PSORS1C1: variants seen among roughly 807,000 people sequenced by gnomAD.
The protein encoded by PSORS1C1 is psoriasis susceptibility 1 candidate gene 1 protein.
Under a neutral mutation model 9.4 loss-of-function variants are expected in PSORS1C1, and 7 were observed. That is an observed-to-expected ratio of 0.75 (90% CI 0.42 to 1.40). The LOEUF is 1.40. Among genes scored for constraint, PSORS1C1 ranks in the 40% most tolerant of loss-of-function variants. The probability of loss-of-function intolerance (pLI) is 0.01; values close to 1 mark genes in which losing one functional copy is unlikely to be tolerated. For missense variants in PSORS1C1, 146 were observed against 178.1 expected (o/e 0.82, Z 1.02); for synonymous variants, 63 against 69.4 (o/e 0.91, Z 0.46).
intron 1 of PSORS1C1, chr6:31,116,160 G>A (rs772851382): frequency 1.2e-6 from 2 of 1,611,614 alleles, no homozygotes; most frequent in East Asian, 2.2e-5. Context: ...TGGAGCCACA[G>A]GGCTTGGCAC....
intron 1 of PSORS1C1, among the ~76,000 whole-genome samples, chr6:31,124,934 C>T (rs1336051486): frequency 6.6e-6 from 1 of 151,600 alleles, no homozygotes; most frequent in Non-Finnish European, 1.5e-5. Context: ...TGCCACTGCA[C>T]TCCAGCCTGG....
At chr6:31,138,248 T>C in intron 3 of PSORS1C1, 182 bp from the exon 4 acceptor site, 2 of 1,568,122 alleles carry the variant, frequency 1.3e-6, no homozygotes, top group Non-Finnish European at 1.7e-6. Flanking sequence ...TTGGGGAGCC[T>C]GCCTCCTCTC....
At position 31,139,879 on chromosome 6, in the gene PSORS1C1, T is replaced by C; in HGVS notation, c.406T>C (p.Leu136=). 1 of 1,613,044 alleles carries C rather than the reference T, an allele frequency of 6.2e-7. No individual in the cohort carries two copies. Among genetic ancestry groups the C allele is most frequent in the South Asian group, 1.1e-5 (1 of 91,080 alleles). ...CTCTAGGACCTTGGCTCCAACTCTATTGTACTCGTCTCCTCCCTCCCATTC... is the reference window on the plus strand; with the variant it reads ...CTCTAGGACCTTGGCTCCAACTCTACTGTACTCGTCTCCTCCCTCCCATTC... ...SASRTLAPTL[L]YSSPPSHSPF... Residue 136 remains leucine (L), a synonymous_variant, in exon 6 of 6, where the codon TTG becomes CTG. Coordinates refer to ENST00000259881, the MANE Select transcript of PSORS1C1 (RefSeq NM_014068.3). The surrounding 1 kb of genome is among the most constrained non-coding windows in gnomAD (Gnocchi z 5.2).
intron 1 of PSORS1C1, among the ~76,000 whole-genome samples, chr6:31,123,710 C>T (rs1772560853): frequency 6.6e-6 from 1 of 152,262 alleles, no homozygotes; most frequent in African/African-American, 2.4e-5. Context: ...GTCCCCTCCA[C>T]CCCTCCAGCA....
chr6:31,131,672 C>G (rs187880762), intron 3 of PSORS1C1, among the ~76,000 whole-genome samples: 123 of 151,546 alleles, frequency 8.1e-4, no homozygotes, highest in Admixed American at 1.5e-3. Context: ...TAGCACAGAC[C>G]TAAATTGAAA....
chr6:31,125,804 C>T lies in PSORS1C1; in HGVS notation c.-100C>T, dbSNP rs9263697. ...GAAATGCAACAGAAACCATCACCCC[C>T]GGACCGTGGGCTCCATGCCAGTGGG... On this transcript the variant is annotated 5_prime_UTR_variant, in exon 2 of 6. Coordinates refer to ENST00000259881, the MANE Select transcript of PSORS1C1 (RefSeq NM_014068.3). 8,096 of 152,392 alleles carry T rather than the reference C, an allele frequency of 0.053. 305 individuals carry two copies. Among genetic ancestry groups the T allele is most frequent in the South Asian group, 0.12 (559 of 4,832 alleles). The allele number at this position is 152,392 out of a possible 1,614,324, so 9.4% of individuals were successfully genotyped here.
chr6:31,118,840 C>CT (rs199861968), intron 1 of PSORS1C1: 7 of 124,924 alleles, frequency 5.6e-5, no homozygotes, highest in African/African-American at 2.1e-4. Context: ...TTTTCTTCTT[C>CT]TTCTTTTTTT....
chr6:31,115,734 A>C lies in PSORS1C1; in HGVS notation c.-229+843A>C. 2.0e-6 allele frequency: 1 copy of C among 494,384 alleles called. No individual in the cohort carries two copies. The highest frequency in any genetic ancestry group is 3.7e-5 in the South Asian group (1 of 26,844). 30.6% of individuals were successfully genotyped at this position (494,384 alleles called of 1,614,324 possible). A position where few individuals can be genotyped will look rare whatever the true frequency, so the allele number is the denominator to read the frequency against. On this transcript the variant is annotated intron_variant, in intron 1 of 5. Transcript: ENST00000259881. This position sits in a 1 kb window ranked among gnomAD's most constrained non-coding sequence, Gnocchi z 4.2. ...TGGACCATTTCCACACAGTAGAGGG[A>C]ATTGTAAGGGGTGGTGATCTGGCTG...
At chr6:31,116,154 G>A in intron 1 of PSORS1C1, 1 of 1,611,350 alleles carries the variant, frequency 6.2e-7, no homozygotes, top group African/African-American at 1.3e-5. Flanking sequence ...CACTGCTGGA[G>A]CCACAGGGCT....
chr6:31,138,200 C>T, intron 3 of PSORS1C1: 1 of 1,573,598 alleles, frequency 6.4e-7, no homozygotes, highest in East Asian at 2.2e-5. Context: ...GTGCCCCTGG[C>T]CAAGGGTCAC....
chr6:31,122,797 T>G (rs1404619475), intron 1 of PSORS1C1, among the ~76,000 whole-genome samples: 1 of 152,136 alleles, frequency 6.6e-6, no homozygotes, highest in African/African-American at 2.4e-5. Flanking sequence ...AAAGTGATGC[T>G]GCTCTTTCCG....
At chr6:31,116,461 G>A (rs1257325672) in intron 1 of PSORS1C1, 10 of 1,595,452 alleles carry the variant, frequency 6.3e-6, no homozygotes, top group African/African-American at 1.3e-5. Context: ...CTTGGAGCCC[G>A]TGGAGCCGCC....
rs1289441516 is a variant in PSORS1C1, at chr6:31,115,179, G to A, written c.-229+288G>A. On this transcript the variant is annotated intron_variant, in intron 1 of 5. Coordinates refer to ENST00000259881, the MANE Select transcript of PSORS1C1 (RefSeq NM_014068.3). The surrounding 1 kb of genome is among the most constrained non-coding windows in gnomAD (Gnocchi z 4.2). ...ACACAGCCCGCTTTTGAAGGAAAAT[G>A]AGGAACACAGAGACCTCTAGAGGCG... 3 of 337,954 alleles carry A rather than the reference G, an allele frequency of 8.9e-6. No individual in the cohort carries two copies. The highest frequency in any genetic ancestry group is 1.7e-5 in the Non-Finnish European group (3 of 173,756). The allele number at this position is 337,954 out of a possible 1,614,324, so 20.9% of individuals were successfully genotyped here.
In PSORS1C1 at chr6:31,139,783, G is replaced by A. The variant is rs775662020; in HGVS notation, c.310G>A (p.Ala104Thr). The change falls in exon 6 of 6, where the codon GCT becomes ACT. Residue 104 changes from alanine to threonine, a missense_variant. Ala to Thr is a moderately conservative substitution (Grantham distance 58). Coordinates refer to ENST00000259881, the MANE Select transcript of PSORS1C1 (RefSeq NM_014068.3). The surrounding 1 kb of genome is among the most constrained non-coding windows in gnomAD (Gnocchi z 5.2). ...GCTGTTTGCATCAGTCCTGCCAATGGCTCCGGAAGAAGCTGCCAGGCTCCA... is the reference window on the plus strand; with the variant it reads ...GCTGTTTGCATCAGTCCTGCCAATGACTCCGGAAGAAGCTGCCAGGCTCCA... The part of the protein sequence containing the change: ...PELFASVLPM[A>T]PEEAARLQQP... The A allele has an allele frequency of 6.4e-5, 103 of 1,612,876 alleles. No homozygotes were observed. The highest frequency in any genetic ancestry group is 7.9e-5 in the Non-Finnish European group (93 of 1,180,018).
Position 31,128,889 on chromosome 6 carries a change from C to T in PSORS1C1, c.-64-680C>T, listed in dbSNP as rs1184836391. 6.6e-6 allele frequency among the ~76,000 whole-genome samples: 1 copy of T among 152,174 alleles called. No homozygotes were observed. The highest frequency in any genetic ancestry group is 6.5e-5 in the Admixed American group (1 of 15,272). On this transcript the variant is annotated intron_variant, in intron 2 of 5. Coordinates refer to ENST00000259881, the MANE Select transcript of PSORS1C1 (RefSeq NM_014068.3). This position sits in a 1 kb window ranked among gnomAD's most constrained non-coding sequence, Gnocchi z 4.3. ...GTTTGTCCTCCCTAAACACAGAGCC[C>T]CTTGAGGGCAGGGAGGACTGAAACT... is the stretch of plus-strand genomic sequence containing the variant.
In PSORS1C1 at chr6:31,139,878, A is replaced by G. The variant is rs1025801266; in HGVS notation, c.405A>G (p.Leu135=). ...LSASRTLAPT[L]LYSSPPSHSP... ...CCTCTAGGACCTTGGCTCCAACTCT[A>G]TTGTACTCGTCTCCTCCCTCCCATT... The change falls in exon 6 of 6, where the codon CTA becomes CTG. Residue 135 remains leucine (L), a synonymous_variant. Coordinates refer to ENST00000259881, the MANE Select transcript of PSORS1C1 (RefSeq NM_014068.3). This position sits in a 1 kb window ranked among gnomAD's most constrained non-coding sequence, Gnocchi z 5.2. 1.3e-5 allele frequency: 21 copies of G among 1,612,798 alleles called. No homozygotes were observed. Among genetic ancestry groups the G allele is most frequent in the South Asian group, 2.2e-5 (2 of 91,070 alleles).
At chr6:31,116,212 G>A in intron 1 of PSORS1C1, 2 of 1,613,920 alleles carry the variant, frequency 1.2e-6, no homozygotes, top group South Asian at 2.2e-5. Context: ...GGGGCCCCCA[G>A]TCAGTGTCAA....
Position 31,115,584 on chromosome 6 carries a change from G to A in PSORS1C1, c.-229+693G>A, listed in dbSNP as rs1772065123. On this transcript the variant is annotated intron_variant, in intron 1 of 5. Transcript: ENST00000259881. This position sits in a 1 kb window ranked among gnomAD's most constrained non-coding sequence, Gnocchi z 4.2. Reference sequence around the variant, plus strand: ...TGAAAAGTGGCCACTGTTTCCAGATGATGGTTTGACTTTGCTTTATTTGGT... The same window carrying A: ...TGAAAAGTGGCCACTGTTTCCAGATAATGGTTTGACTTTGCTTTATTTGGT... The A allele has an allele frequency of 5.4e-6, 1 of 185,114 alleles. No individual in the cohort carries two copies. Among genetic ancestry groups the A allele is most frequent in the Non-Finnish European group, 1.1e-5 (1 of 88,290 alleles). The allele number at this position is 185,114 out of a possible 1,614,324, so 11.5% of individuals were successfully genotyped here. A position where few individuals can be genotyped will look rare whatever the true frequency, so the allele number is the denominator to read the frequency against.
At chr6:31,126,774 T>TC (rs141766611) in intron 2 of PSORS1C1, among the ~76,000 whole-genome samples, 8 of 152,006 alleles carry the variant, frequency 5.3e-5, no homozygotes, top group Admixed American at 2.6e-4. Context: ...CAAGCTTTCT[T>TC]CCCCCCGCTC....
Sources: allele counts gnomAD v4.1 joint callset (sites outside exome capture counted in the v4.1 genomes callset), GRCh38; gene constraint gnomAD v4.1.1; non-coding constraint Gnocchi (gnomAD v3.1); transcripts MANE v1.5; gene names NCBI Gene and HGNC (gene_info 2026-07-23, HGNC 2026-07-21).